The following AUTS2 variants were observed in gnomAD, a reference collection of about 807,000 sequenced individuals.
The protein encoded by AUTS2 is autism susceptibility gene 2 protein.
Under a neutral mutation model 112.4 loss-of-function variants are expected in AUTS2, and 17 were observed. That is an observed-to-expected ratio of 0.15 (90% CI 0.10 to 0.23). The LOEUF (loss-of-function observed/expected upper bound fraction) is 0.23. Among genes scored for constraint, AUTS2 ranks in the 10% least tolerant of loss-of-function variants. The pLI is 1.00. For synonymous variants in AUTS2, 751 were observed against 702.7 expected (o/e 1.07, Z -1.09); for missense variants, 1,510 against 1,701.6 (o/e 0.89, Z 1.98).
intron 5 of AUTS2, among the ~76,000 whole-genome samples, chr7:70,469,280 A>C (rs1270209190): frequency 6.6e-6 from 1 of 152,222 alleles, no homozygotes; most frequent in Non-Finnish European, 1.5e-5. Flanking sequence ...GGAAAAATTT[A>C]AAGTCTTAGG....
At chr7:69,868,443 C>A (rs569245812) in intron 1 of AUTS2, among the ~76,000 whole-genome samples, 128 of 152,290 alleles carry the variant, frequency 8.4e-4, no homozygotes, top group Admixed American at 4.2e-3. Context: ...TTAACACAAA[C>A]AATTGGATGA....
chr7:70,443,358 A>G (rs938630906), intron 5 of AUTS2, among the ~76,000 whole-genome samples: 3 of 152,176 alleles, frequency 2.0e-5, no homozygotes, highest in African/African-American at 7.2e-5. Flanking sequence ...TGGGCAAGTT[A>G]CCTAATGGTG....
intron 1 of AUTS2, among the ~76,000 whole-genome samples, chr7:69,652,217 C>T (rs944114958): frequency 6.6e-6 from 1 of 152,134 alleles, no homozygotes; most frequent in South Asian, 2.1e-4. Flanking sequence ...GGCATTTTAA[C>T]TTTCCGGGAA....
chr7:69,953,022 TATTTAC>T (rs1285139867), intron 2 of AUTS2, among the ~76,000 whole-genome samples: 2 of 152,168 alleles, frequency 1.3e-5, no homozygotes, highest in African/African-American at 4.8e-5. Flanking sequence ...CATTTGAGGA[TATTTAC>T]ATTTTGAATT....
chr7:70,022,589 G>A (rs1157729575), intron 2 of AUTS2, among the ~76,000 whole-genome samples: 1 of 152,140 alleles, frequency 6.6e-6, no homozygotes, highest in African/African-American at 2.4e-5. Flanking sequence ...CCAGAGTGCA[G>A]GGATTACAGA....
At chr7:70,546,414 A>T (rs1490141025) in intron 5 of AUTS2, among the ~76,000 whole-genome samples, 1 of 152,066 alleles carries the variant, frequency 6.6e-6, no homozygotes, top group Non-Finnish European at 1.5e-5. Flanking sequence ...ACTGCACTCC[A>T]GCCTAGGCAA....
chr7:69,609,645 A>G (rs1792920613), intron 1 of AUTS2, among the ~76,000 whole-genome samples: 2 of 152,340 alleles, frequency 1.3e-5, no homozygotes, highest in South Asian at 4.1e-4. Flanking sequence ...ACTCAGAGCA[A>G]CTTCATAACA....
chr7:69,745,985 T>C (rs1354587410), intron 1 of AUTS2, among the ~76,000 whole-genome samples: 2 of 152,130 alleles, frequency 1.3e-5, no homozygotes, highest in African/African-American at 4.8e-5. Context: ...GTGATCCTCC[T>C]GCCTCAACTT....
intron 4 of AUTS2, among the ~76,000 whole-genome samples, chr7:70,431,136 C>CT (rs1795650204): frequency 6.6e-6 from 1 of 151,830 alleles, no homozygotes; most frequent in African/African-American, 2.4e-5. Context: ...CGCGCCCGGC[C>CT]GTGTCGCCAT....
intron 8 of AUTS2, 62 bp downstream of exon 8, chr7:70,765,067 C>G (rs1789848934): frequency 6.3e-7 from 1 of 1,593,688 alleles, no homozygotes; most frequent in Admixed American, 1.7e-5. Flanking sequence ...GTGACCTCAC[C>G]CTACCTATGT....
intron 3 of AUTS2, among the ~76,000 whole-genome samples, chr7:70,125,611 T>A (rs901862636): frequency 8.5e-5 from 13 of 152,294 alleles, no homozygotes; most frequent in African/African-American, 3.1e-4. Context: ...CTCCTTATCC[T>A]CTGCCTTGGA....
In AUTS2 at chr7:69,960,207, G is replaced by A. The variant is rs77763819; in HGVS notation, c.522+60709G>A. On this transcript the variant is annotated intron_variant, in intron 2 of 18. Coordinates refer to ENST00000342771, the MANE Select transcript of AUTS2 (RefSeq NM_015570.4). ...TATTTTCCCTCTTTGCCTTAAAAAA[G>A]TATATACAGCTATAATTACTAATTG... Among the ~76,000 whole-genome samples the A allele has an allele frequency of 2.9e-3, 447 of 152,210 alleles. 5 individuals are homozygous for A. The highest frequency in any genetic ancestry group is 0.01 in the African/African-American group (433 of 41,532).
At chr7:69,809,769 A>T (rs373004120) in intron 1 of AUTS2, among the ~76,000 whole-genome samples, 18 of 152,166 alleles carry the variant, frequency 1.2e-4, no homozygotes, top group African/African-American at 4.1e-4. Context: ...GGTACAACAG[A>T]TTGTTCTGCT....
intron 1 of AUTS2, among the ~76,000 whole-genome samples, chr7:69,768,700 T>C (rs1205094788): frequency 1.3e-5 from 2 of 152,066 alleles, no homozygotes; most frequent in African/African-American, 4.8e-5. Flanking sequence ...TTATGTGTCG[T>C]TGGGCAAGGG....
chr7:70,385,574 T>C (rs1369283737), intron 4 of AUTS2, among the ~76,000 whole-genome samples: 2 of 152,254 alleles, frequency 1.3e-5, no homozygotes, highest in African/African-American at 4.8e-5. Flanking sequence ...CCAAGGACTT[T>C]ATAAAGTATA....
chr7:69,746,874 T>C (rs1050842792), intron 1 of AUTS2, among the ~76,000 whole-genome samples: 1 of 152,108 alleles, frequency 6.6e-6, no homozygotes, highest in Non-Finnish European at 1.5e-5. Context: ...CTTTGGATGA[T>C]GGGCATGGGA....
At chr7:69,954,667 C>A (rs1426648284) in intron 2 of AUTS2, among the ~76,000 whole-genome samples, 1 of 152,188 alleles carries the variant, frequency 6.6e-6, no homozygotes, top group East Asian at 1.9e-4. Flanking sequence ...TTTTGGACAG[C>A]TTCATTATTT....
At position 70,089,170 on chromosome 7, in the gene AUTS2, A is replaced by G. The variant is rs563079811; in HGVS notation, c.523-28962A>G. Among the ~76,000 whole-genome samples, 4 of 152,282 alleles carry G rather than the reference A, an allele frequency of 2.6e-5. No individual in the cohort carries two copies. The South Asian group carries it at 8.3e-4, about 32-fold the overall frequency. ...TGTCTATTTATTTGTTCTTTCAATT[A>G]TTAAGAAAGGGGCATTGAAGTCTCC... On this transcript the variant is annotated intron_variant, in intron 2 of 18. Transcript: ENST00000342771.
At chr7:70,387,861 C>G (rs954035608) in intron 4 of AUTS2, among the ~76,000 whole-genome samples, 1 of 152,196 alleles carries the variant, frequency 6.6e-6, no homozygotes. Flanking sequence ...ATTCCATCTT[C>G]TACGTTACGG....
Sources: allele counts gnomAD v4.1 joint callset (sites outside exome capture counted in the v4.1 genomes callset), GRCh38; gene constraint gnomAD v4.1.1; transcripts MANE v1.5; gene names NCBI Gene and HGNC (gene_info 2026-07-23, HGNC 2026-07-21).